The following TNR variants were observed in gnomAD, a reference collection of about 807,000 sequenced individuals.
TNR encodes tenascin-R.
A neutral mutation model predicts 150.4 loss-of-function variants in TNR; 45 were observed. That is an observed-to-expected ratio of 0.30 (90% CI 0.24 to 0.38). TNR has a LOEUF of 0.38. TNR is among the 10% of genes least tolerant of loss of function. The pLI is 1.00. For missense variants in TNR, 1,544 were observed against 1,759.1 expected, an observed-to-expected ratio of 0.88 and a Z score of 2.19; for synonymous variants, 687 against 678.4, an observed-to-expected ratio of 1.01 and a Z score of -0.20.
intron 16 of TNR, 26 bp downstream of exon 16, chr1:175,356,293 G>C: frequency 6.2e-7 from 1 of 1,612,692 alleles, no homozygotes; most frequent in Non-Finnish European, 8.5e-7. Context: ...CCAGGGATAC[G>C]GGTATGTAGG....
chr1:175,659,546 T>A (rs1047153163), intron 1 of TNR, among the ~76,000 whole-genome samples: 2 of 152,094 alleles, frequency 1.3e-5, no homozygotes, highest in Non-Finnish European at 2.9e-5. Flanking sequence ...TTCAGAATGA[T>A]CCCTTTGTAA....
chr1:175,705,291 C>G (rs970446971), intron 1 of TNR, among the ~76,000 whole-genome samples: 1 of 152,054 alleles, frequency 6.6e-6, no homozygotes, highest in Non-Finnish European at 1.5e-5. Flanking sequence ...ACCCCAAATT[C>G]TAGAATAAAT....
At chr1:175,489,667 A>C (rs1658160794) in intron 2 of TNR, among the ~76,000 whole-genome samples, 1 of 152,206 alleles carries the variant, frequency 6.6e-6, no homozygotes, top group Non-Finnish European at 1.5e-5. Context: ...TGGTGATAGC[A>C]AGCTGAATGC....
At chr1:175,405,915 A>G (rs1043898811) in intron 3 of TNR, among the ~76,000 whole-genome samples, 1 of 152,224 alleles carries the variant, frequency 6.6e-6, no homozygotes, top group Non-Finnish European at 1.5e-5. Context: ...TGCTGAACCG[A>G]TGAACCATTA....
At chr1:175,627,169 G>A (rs1188549102) in intron 1 of TNR, among the ~76,000 whole-genome samples, 1 of 152,230 alleles carries the variant, frequency 6.6e-6, no homozygotes, top group Non-Finnish European at 1.5e-5. Flanking sequence ...CAGTATTGCT[G>A]CCTCTTGGGC....
At chr1:175,409,755 G>C (rs1387953110) in intron 2 of TNR, among the ~76,000 whole-genome samples, 1 of 149,396 alleles carries the variant, frequency 6.7e-6, no homozygotes, top group Non-Finnish European at 1.5e-5. Flanking sequence ...AGACTCAGGG[G>C]GTACATTTAT....
chr1:175,647,115 C>T (rs1168416509), intron 1 of TNR, among the ~76,000 whole-genome samples: 1 of 152,248 alleles, frequency 6.6e-6, no homozygotes, highest in African/African-American at 2.4e-5. Context: ...CCCAGGCAGG[C>T]TCTGCCTGCA....
At chr1:175,485,150 G>A (rs1444774556) in intron 2 of TNR, among the ~76,000 whole-genome samples, 1 of 152,168 alleles carries the variant, frequency 6.6e-6, no homozygotes, top group East Asian at 1.9e-4. Flanking sequence ...AAATTAGACT[G>A]ATGCATTTGG....
At chr1:175,732,533 G>C (rs1667672069) in intron 1 of TNR, among the ~76,000 whole-genome samples, 1 of 152,230 alleles carries the variant, frequency 6.6e-6, no homozygotes. Flanking sequence ...GCAGAACCAA[G>C]CTCCAGAGAG....
chr1:175,486,282 A>T, intron 2 of TNR, among the ~76,000 whole-genome samples: 2 of 126,042 alleles, frequency 1.6e-5, no homozygotes, highest in African/African-American at 6.2e-5. Flanking sequence ...CTATCCCCCC[A>T]CCCCTCGACA....
At chr1:175,477,764 TAAACTC>T (rs995670198) in intron 2 of TNR, among the ~76,000 whole-genome samples, 6 of 152,328 alleles carry the variant, frequency 3.9e-5, no homozygotes, top group African/African-American at 1.2e-4. Flanking sequence ...ATGTACAACA[TAAACTC>T]AGTCAGTTCT....
chr1:175,650,580 C>T (rs556237057), intron 1 of TNR, among the ~76,000 whole-genome samples: 2 of 151,608 alleles, frequency 1.3e-5, no homozygotes, highest in East Asian at 1.9e-4. Context: ...ACTACTCTTG[C>T]CCCCACAAGA....
intron 1 of TNR, among the ~76,000 whole-genome samples, chr1:175,670,948 G>T (rs115035105): frequency 2.0e-3 from 297 of 152,250 alleles, no homozygotes; most frequent in African/African-American, 6.4e-3. Context: ...GTGCTCTGTG[G>T]GGGGTAGGTT....
intron 2 of TNR, among the ~76,000 whole-genome samples, chr1:175,515,994 T>G (rs1049674992): frequency 6.6e-6 from 1 of 152,208 alleles, no homozygotes; most frequent in Admixed American, 6.5e-5. Context: ...CCAAAAGAAT[T>G]TGTGGACTAA....
chr1:175,461,785 A>G (rs903969711), intron 2 of TNR, among the ~76,000 whole-genome samples: 4 of 151,824 alleles, frequency 2.6e-5, no homozygotes, highest in Non-Finnish European at 5.9e-5. Flanking sequence ...TTATTTCTAG[A>G]TTATTTTGCT....
In TNR at chr1:175,565,065, G is replaced by T. The variant is rs570573749; in HGVS notation, c.-164-36696C>A. On this transcript the variant is annotated intron_variant, in intron 1 of 22. Coordinates refer to ENST00000367674, the MANE Select transcript of TNR (RefSeq NM_003285.3). ...GCTAAAAGCTGAGCTCACTATTCTA[G>T]TTTGAGAGCAAATGTTTTAAATGGT... Among the ~76,000 whole-genome samples, 4 of 152,316 alleles carry T rather than the reference G, an allele frequency of 2.6e-5. No homozygotes were observed. The East Asian group carries it at 7.7e-4, about 29-fold the overall frequency.
intron 2 of TNR, among the ~76,000 whole-genome samples, chr1:175,473,392 T>C (rs1657380757): frequency 6.6e-6 from 1 of 152,144 alleles, no homozygotes; most frequent in Non-Finnish European, 1.5e-5. Flanking sequence ...TAAAAACCAG[T>C]ATTGCCCCCT....
chr1:175,709,198 G>A (rs1666925380), intron 1 of TNR, among the ~76,000 whole-genome samples: 1 of 152,036 alleles, frequency 6.6e-6, no homozygotes. Flanking sequence ...CCTGTGGAGG[G>A]ATGCCAAAAG....
At chr1:175,635,593 T>C (rs1440411131) in intron 1 of TNR, among the ~76,000 whole-genome samples, 1 of 152,210 alleles carries the variant, frequency 6.6e-6, no homozygotes, top group African/African-American at 2.4e-5. Flanking sequence ...CAAATCCAGT[T>C]GCACCAAGAC....
Sources: gnomAD v4.1 joint callset for allele counts (sites outside exome capture counted in the v4.1 genomes callset) on GRCh38, gnomAD v4.1.1 for gene constraint, MANE v1.5 for transcripts, NCBI Gene and HGNC (gene_info 2026-07-23, HGNC 2026-07-21) for gene names.